GPAT3: variants seen among roughly 807,000 people sequenced by gnomAD.
The protein encoded by GPAT3 is glycerol-3-phosphate acyltransferase 3.
GPAT3 carries 53 observed loss-of-function variants against 58.8 expected under a neutral mutation model. That is an observed-to-expected ratio of 0.90 (90% CI 0.72 to 1.13). The LOEUF (loss-of-function observed/expected upper bound fraction) is 1.13. Ranked by LOEUF, GPAT3 falls within the 50% of genes most tolerant of loss-of-function variation. The pLI, the probability that GPAT3 is intolerant of heterozygous loss-of-function variation, is 0.00. For missense variants in GPAT3, 511 were observed against 527.6 expected, an observed-to-expected ratio of 0.97 and a Z score of 0.31; for synonymous variants, 197 against 187.4, an observed-to-expected ratio of 1.05 and a Z score of -0.42.
chr4:83,536,103 C>T, upstream of GPAT3: 10 of 985,594 alleles, frequency 1.0e-5, no homozygotes, highest in Non-Finnish European at 1.2e-5. Context: ...CGCCCGAGCG[C>T]AGCCAGCTTC....
At chr4:83,578,948 T>TCTTTG (rs11392342) in intron 2 of GPAT3, among the ~76,000 whole-genome samples, 1 of 71,848 alleles carries the variant, frequency 1.4e-5, no homozygotes, top group Non-Finnish European at 2.7e-5. Context: ...TTTTCTTTTC[T>TCTTTG]TTTCTTTCTT....
At chr4:83,573,623 A>T (rs1308703929) in intron 2 of GPAT3, among the ~76,000 whole-genome samples, 1 of 152,148 alleles carries the variant, frequency 6.6e-6, no homozygotes, top group African/African-American at 2.4e-5. Context: ...CACTAATCAC[A>T]TTTATGGGTC....
chr4:83,581,555 T>G lies in GPAT3; in HGVS notation c.209-7T>G, dbSNP rs1324947770. On this transcript the variant is annotated splice_region_variant and splice_polypyrimidine_tract_variant and intron_variant, in intron 2 of 11. Coordinates refer to ENST00000264409, the MANE Select transcript of GPAT3 (RefSeq NM_032717.5). ...CATTTTCTCATGTCCTGATGCTTTC[T>G]TTTAAGGTATTATCCAAAGAGATGA... is the stretch of plus-strand genomic sequence containing the variant. The G allele has an allele frequency of 6.2e-7, 1 of 1,611,662 alleles. No homozygotes were observed. The highest frequency in any genetic ancestry group is 8.5e-7 in the Non-Finnish European group (1 of 1,178,902).
chr4:83,580,113 T>C (rs1726052262), intron 2 of GPAT3, among the ~76,000 whole-genome samples: 1 of 152,220 alleles, frequency 6.6e-6, no homozygotes, highest in African/African-American at 2.4e-5. Context: ...CTTTATTCTT[T>C]GAAGACTTTC....
In GPAT3 at chr4:83,581,583, C is replaced by T. The variant is rs199578411; in HGVS notation, c.230C>T (p.Ser77Leu). Residue 77 changes from serine to leucine, a missense_variant, in exon 3 of 12, where the codon TCA (serine) becomes TTA (leucine). Physicochemically the swap from Ser to Leu is moderately radical, Grantham distance 145 (BLOSUM62 -2). Transcript: ENST00000264409. ...ASVGIIQRDE[S>L]PMEKGLSGLR... ...TAAGGTATTATCCAAAGAGATGAGT[C>T]ACCCATGGAAAAAGGGCTCTCTGGT... The T allele has an allele frequency of 2.0e-5, 32 of 1,613,912 alleles. 1 individual carries two copies. The Admixed American group carries it at 4.8e-4, about 24-fold the overall frequency.
At chr4:83,573,423 G>A (rs1483964046) in intron 2 of GPAT3, among the ~76,000 whole-genome samples, 1 of 152,214 alleles carries the variant, frequency 6.6e-6, no homozygotes, top group Non-Finnish European at 1.5e-5. Flanking sequence ...ACAGGCATGA[G>A]CCACTGCACC....
intron 2 of GPAT3, among the ~76,000 whole-genome samples, chr4:83,571,869 T>A (rs1725623477): frequency 6.6e-6 from 1 of 151,424 alleles, no homozygotes; most frequent in East Asian, 1.9e-4. Context: ...GCCTCCCGGG[T>A]TCAAGCAATT....
intron 2 of GPAT3, among the ~76,000 whole-genome samples, chr4:83,566,935 A>G (rs1315511161): frequency 1.3e-5 from 2 of 151,770 alleles, no homozygotes; most frequent in East Asian, 3.9e-4. Context: ...CTTCCATTAT[A>G]TTTTCTAAAT....
intron 11 of GPAT3, among the ~76,000 whole-genome samples, chr4:83,602,999 C>T (rs1350334549): frequency 1.3e-5 from 2 of 152,040 alleles, no homozygotes; most frequent in Non-Finnish European, 2.9e-5. Context: ...AGTCTAGAAG[C>T]CAGAACATTG....
intron 2 of GPAT3, among the ~76,000 whole-genome samples, chr4:83,576,556 G>T (rs1308764484): frequency 6.6e-6 from 1 of 151,928 alleles, no homozygotes; most frequent in African/African-American, 2.4e-5. Flanking sequence ...CGATTCTCAT[G>T]CCTCAGCCTC....
At chr4:83,581,322 C>T (rs1726115980) in intron 2 of GPAT3, among the ~76,000 whole-genome samples, 1 of 151,610 alleles carries the variant, frequency 6.6e-6, no homozygotes, top group South Asian at 2.1e-4. Flanking sequence ...TATGGAGGAC[C>T]AAAAACCCCT....
At chr4:83,573,556 C>T (rs1725679442) in intron 2 of GPAT3, among the ~76,000 whole-genome samples, 1 of 152,198 alleles carries the variant, frequency 6.6e-6, no homozygotes, top group South Asian at 2.1e-4. Flanking sequence ...TCTCATTCCC[C>T]AATGTATACA....
chr4:83,589,426 C>T (rs960134637), intron 5 of GPAT3, among the ~76,000 whole-genome samples: 2 of 152,178 alleles, frequency 1.3e-5, no homozygotes, highest in African/African-American at 4.8e-5. Flanking sequence ...GGAACACAGC[C>T]GTGCTCATTC....
At chr4:83,575,245 C>T (rs192382715) in intron 2 of GPAT3, among the ~76,000 whole-genome samples, 25 of 152,182 alleles carry the variant, frequency 1.6e-4, no homozygotes, top group Non-Finnish European at 2.5e-4. Context: ...TGAGGCCTAA[C>T]GCATAGTGAG....
rs1376301667 is a variant in GPAT3, at chr4:83,605,806, A to G, written c.*1039A>G. ...CGTTGTAAACTACTGAGAGTATTGTATCTGTTCTGGTAACCATGTACAGAA... is the reference window on the plus strand; with the variant it reads ...CGTTGTAAACTACTGAGAGTATTGTGTCTGTTCTGGTAACCATGTACAGAA... On this transcript the variant is annotated 3_prime_UTR_variant, in exon 12 of 12. Coordinates refer to ENST00000264409, the MANE Select transcript of GPAT3 (RefSeq NM_032717.5). 6.6e-6 allele frequency: 1 copy of G among 152,548 alleles called. No homozygotes were observed. The highest frequency in any genetic ancestry group is 2.4e-5 in the African/African-American group (1 of 41,456). The allele number at this position is 152,548 out of a possible 1,614,324, so 9.4% of individuals were successfully genotyped here. A position where few individuals can be genotyped will look rare whatever the true frequency, so the allele number is the denominator to read the frequency against.
At chr4:83,542,179 A>G (rs1269852118) in intron 1 of GPAT3, among the ~76,000 whole-genome samples, 1 of 152,266 alleles carries the variant, frequency 6.6e-6, no homozygotes, top group Non-Finnish European at 1.5e-5. Flanking sequence ...TATAAAATAT[A>G]AAATCACTTG....
Position 83,536,738 on chromosome 4 carries a change from T to A in GPAT3, c.116T>A (p.Met39Lys). 6.4e-7 allele frequency: 1 copy of A among 1,568,872 alleles called. No homozygotes were observed. The highest frequency in any genetic ancestry group is 1.7e-4 in the Middle Eastern group (1 of 5,808). The change falls in exon 1 of 12, where the codon ATG becomes AAG. Residue 39 changes from methionine to lysine, a missense_variant. Transcript: ENST00000264409. ...GVSLGISEIY[M>K]KILVKTLEWA... is the part of the protein sequence containing the mutation. ...TCTCTGGGCATCTCCGAGATCTACA[T>A]GAAGATCCTAGTGAAAACTTTAGAG...
intron 2 of GPAT3, among the ~76,000 whole-genome samples, chr4:83,545,532 T>G (rs1371977365): frequency 6.6e-6 from 1 of 152,194 alleles, no homozygotes; most frequent in Non-Finnish European, 1.5e-5. Flanking sequence ...GTAGAAATTG[T>G]ATTCTATAGT....
rs1726510164 is a variant in GPAT3, at chr4:83,589,506, A to G, written c.645-693A>G. Among the ~76,000 whole-genome samples the G allele has an allele frequency of 2.0e-5, 3 of 152,164 alleles. 1 individual carries two copies. Among genetic ancestry groups the G allele is most frequent in the African/African-American group, 4.8e-5 (2 of 41,436 alleles). On this transcript the variant is annotated intron_variant, in intron 5 of 11. Coordinates refer to ENST00000264409, the MANE Select transcript of GPAT3 (RefSeq NM_032717.5). ...TGTGACAAGCATTGTCTGGCTTGCA[A>G]AGCTTAAAGTATTTGCTGTCTGGCC...
Sources: allele counts gnomAD v4.1 joint callset (sites outside exome capture counted in the v4.1 genomes callset), GRCh38; gene constraint gnomAD v4.1.1; transcripts MANE v1.5; gene names NCBI Gene and HGNC (gene_info 2026-07-23, HGNC 2026-07-21).